BMPER: variants seen among roughly 807,000 people sequenced by gnomAD.
BMPER encodes the protein BMP-binding endothelial regulator protein.
Under a neutral mutation model 87.3 loss-of-function variants are expected in BMPER, and 45 were observed. The observed-to-expected ratio is 0.52, with a 90% CI of 0.41 to 0.66. BMPER has a LOEUF of 0.66. Among genes scored for constraint, BMPER ranks in the 30% least tolerant of loss-of-function variants. The probability of loss-of-function intolerance (pLI) is 0.00; values close to 1 mark genes in which losing one functional copy is unlikely to be tolerated. For missense variants in BMPER, 784 were observed against 867.5 expected (o/e 0.90, Z 1.21); for synonymous variants, 326 against 316.2 (o/e 1.03, Z -0.33).
chr7:33,966,697 C>A, intron 4 of BMPER, 136 bp downstream of exon 4: 1 of 789,746 alleles, frequency 1.3e-6, no homozygotes, highest in African/African-American at 1.7e-5. Context: ...GCAACTGTAT[C>A]CTTGTGTGTA....
chr7:33,940,787 A>G (rs2128610312), intron 3 of BMPER, among the ~76,000 whole-genome samples: 1 of 149,380 alleles, frequency 6.7e-6, no homozygotes, highest in South Asian at 2.1e-4. Context: ...GAACTAAATA[A>G]TGTCTAGGCA....
rs200902317 is a variant in BMPER, at chr7:34,046,294, C to A, written c.577-12C>A. 2 of 1,608,372 alleles carry A rather than the reference C, an allele frequency of 1.2e-6. No individual in the cohort carries two copies. The highest frequency in any genetic ancestry group is 4.5e-5 in the East Asian group (2 of 44,806). On this transcript the variant is annotated splice_polypyrimidine_tract_variant and intron_variant, in intron 6 of 14. Coordinates refer to ENST00000649409, the MANE Select transcript of BMPER (RefSeq NM_001365308.1). ...TTTTCTAAATATGCTTTTTTTTTCTCTCTTTTCTTAGGGAGGCAGGACACA... is the reference window on the plus strand; with the variant it reads ...TTTTCTAAATATGCTTTTTTTTTCTATCTTTTCTTAGGGAGGCAGGACACA...
chr7:33,997,121 T>C (rs1210291858), intron 6 of BMPER, among the ~76,000 whole-genome samples: 1 of 152,196 alleles, frequency 6.6e-6, no homozygotes, highest in Non-Finnish European at 1.5e-5. Flanking sequence ...GTACTGATAT[T>C]GTGTGGAGAG....
At chr7:34,091,772 A>T (rs886842800) in intron 13 of BMPER, among the ~76,000 whole-genome samples, 3 of 152,240 alleles carry the variant, frequency 2.0e-5, no homozygotes, top group Non-Finnish European at 2.9e-5. Flanking sequence ...GATTGAAAAA[A>T]TTTTTTAAAA....
chr7:33,938,526 A>G (rs1189269621), intron 3 of BMPER, among the ~76,000 whole-genome samples: 1 of 152,162 alleles, frequency 6.6e-6, no homozygotes, highest in African/African-American at 2.4e-5. Flanking sequence ...GGCCGCCAGG[A>G]TCTAGGAAAG....
intron 6 of BMPER, among the ~76,000 whole-genome samples, chr7:34,009,927 A>C (rs1248782270): frequency 6.6e-6 from 1 of 151,994 alleles, no homozygotes; most frequent in Non-Finnish European, 1.5e-5. Flanking sequence ...TTGTTGAAAT[A>C]AGACAATGAT....
chr7:34,096,799 T>C (rs1376168186), intron 13 of BMPER, among the ~76,000 whole-genome samples: 1 of 152,174 alleles, frequency 6.6e-6, no homozygotes, highest in African/African-American at 2.4e-5. Flanking sequence ...AGATTAATGG[T>C]CAATTATTCA....
At chr7:33,922,993 C>T (rs1784273112) in intron 2 of BMPER, among the ~76,000 whole-genome samples, 1 of 152,132 alleles carries the variant, frequency 6.6e-6, no homozygotes, top group African/African-American at 2.4e-5. Flanking sequence ...CTCCATTGAC[C>T]TCTGTCTCTT....
rs1018433222 is a variant in BMPER, at chr7:34,155,311, G to A, written c.*2038G>A. ...CTGTTGGTTCTCATCTTTGAAAGAG[G>A]GCAGCATAAGGGAAATGATGGAGAA... On this transcript the variant is annotated 3_prime_UTR_variant, in exon 15 of 15. Transcript: ENST00000649409. 1.3e-5 allele frequency: 2 copies of A among 152,142 alleles called. No individual in the cohort carries two copies. The highest frequency in any genetic ancestry group is 1.3e-4 in the Admixed American group (2 of 15,280). The allele number at this position is 152,142 out of a possible 1,614,324, so 9.4% of individuals were successfully genotyped here. A position where few individuals can be genotyped will look rare whatever the true frequency, so the allele number is the denominator to read the frequency against.
chr7:34,087,783 A>G (rs1251186980), intron 13 of BMPER, among the ~76,000 whole-genome samples: 2 of 152,192 alleles, frequency 1.3e-5, no homozygotes, highest in Non-Finnish European at 2.9e-5. Context: ...TCCCAGGGCC[A>G]AGCAGCCTAC....
At chr7:34,002,949 A>T (rs909935680) in intron 6 of BMPER, among the ~76,000 whole-genome samples, 29 of 148,046 alleles carry the variant, frequency 2.0e-4, no homozygotes, top group Admixed American at 2.0e-4. Flanking sequence ...ATCCTGCTTT[A>T]AAAAAAAATC....
At chr7:33,969,589 C>T (rs1461856830) in intron 4 of BMPER, among the ~76,000 whole-genome samples, 1 of 152,064 alleles carries the variant, frequency 6.6e-6, no homozygotes, top group East Asian at 1.9e-4. Context: ...TTCGTAGAGA[C>T]GGGGTTTCAC....
At chr7:34,047,726 A>G (rs1788012737) in intron 7 of BMPER, among the ~76,000 whole-genome samples, 1 of 128,088 alleles carries the variant, frequency 7.8e-6, no homozygotes, top group Non-Finnish European at 1.7e-5. Context: ...TTGAGGGGCT[A>G]ATATTTTCCC....
At chr7:33,906,171 A>T (rs1157706600) in intron 1 of BMPER, among the ~76,000 whole-genome samples, 1 of 152,178 alleles carries the variant, frequency 6.6e-6, no homozygotes, top group African/African-American at 2.4e-5. Flanking sequence ...CCTTGAATTT[A>T]AAGAAACTAT....
In BMPER at chr7:34,143,451, G is replaced by A. The variant is rs1790930181; in HGVS notation, c.1876+91G>A. ...AGACTTGTGGATGCTGACATGAGTG[G>A]CCACATGCCCCCTTGCCAGAGGAAA... is the stretch of plus-strand genomic sequence containing the variant. On this transcript the variant is annotated intron_variant, in intron 14 of 14. Transcript: ENST00000649409. 7 of 1,562,050 alleles carry A rather than the reference G, an allele frequency of 4.5e-6. No homozygotes were observed. The South Asian group carries it at 6.9e-5, about 15-fold the overall frequency.
chr7:33,944,239 C>T (rs934220674), intron 3 of BMPER, among the ~76,000 whole-genome samples: 6 of 149,494 alleles, frequency 4.0e-5, no homozygotes, highest in Non-Finnish European at 7.4e-5. Flanking sequence ...GATCTCGGCT[C>T]ACTGCAACCT....
rs549816538 is a variant in BMPER, at chr7:34,092,221, C to T, written c.1745+6129C>T. 3.3e-5 allele frequency among the ~76,000 whole-genome samples: 5 copies of T among 152,290 alleles called. No individual in the cohort carries two copies. The South Asian group carries it at 8.3e-4, about 25-fold the overall frequency. ...GGTCCACCTTTGATGCTCCAAATGCCGTGAGCACTTCTTATTGCACAAGTC... is the reference window on the plus strand; with the variant it reads ...GGTCCACCTTTGATGCTCCAAATGCTGTGAGCACTTCTTATTGCACAAGTC... On this transcript the variant is annotated intron_variant, in intron 13 of 14. Transcript: ENST00000649409.
At chr7:33,945,492 T>A (rs1784871535) in intron 3 of BMPER, among the ~76,000 whole-genome samples, 1 of 151,908 alleles carries the variant, frequency 6.6e-6, no homozygotes, top group Non-Finnish European at 1.5e-5. Context: ...TCTCAAGTGA[T>A]CCACCCGCCT....
chr7:33,939,324 A>C (rs1184107672), intron 3 of BMPER, among the ~76,000 whole-genome samples: 1 of 152,096 alleles, frequency 6.6e-6, no homozygotes. Flanking sequence ...CAAGACAAAC[A>C]CATTTCCTGA....
Sources: gnomAD v4.1 joint callset for allele counts (sites outside exome capture counted in the v4.1 genomes callset) on GRCh38, gnomAD v4.1.1 for gene constraint, MANE v1.5 for transcripts, NCBI Gene and HGNC (gene_info 2026-07-23, HGNC 2026-07-21) for gene names.